Variants in DACH2 observed in about 807,000 individuals in gnomAD.
DACH2 encodes dachshund family transcription factor 2.
DACH2 carries 17 observed loss-of-function variants against 35.8 expected under a neutral mutation model. The observed-to-expected ratio is 0.48, with a 90% CI of 0.33 to 0.71. The LOEUF (loss-of-function observed/expected upper bound fraction) is 0.71, where lower values mean the gene tolerates loss of function less well. Among genes scored for constraint, DACH2 ranks in the 30% least tolerant of loss-of-function variants. The probability of loss-of-function intolerance (pLI) is 0.02; values close to 1 mark genes in which losing one functional copy is unlikely to be tolerated. For synonymous variants in DACH2, 195 were observed against 177.3 expected, an observed-to-expected ratio of 1.10 and a Z score of -0.79; for missense variants, 469 against 472.7, an observed-to-expected ratio of 0.99 and a Z score of 0.07.
intron 1 of DACH2, among the ~76,000 whole-genome samples, chrX:86,315,590 T>A (rs2034884126): frequency 8.9e-6 from 1 of 111,766 alleles, no homozygotes; most frequent in African/African-American, 3.3e-5. Context: ...CTAGTTGCCA[T>A]TAAGAACATT....
intron 4 of DACH2, among the ~76,000 whole-genome samples, chrX:86,673,311 TG>T (rs2040788396): frequency 1.2e-5 from 1 of 81,208 alleles, no homozygotes; most frequent in African/African-American, 5.1e-5. Flanking sequence ...CATTCCAGTC[TG>T]GGGACAGAGC....
At chrX:86,467,411 T>A (rs745899809) in intron 2 of DACH2, among the ~76,000 whole-genome samples, 1 of 112,004 alleles carries the variant, frequency 8.9e-6, no homozygotes, top group South Asian at 3.7e-4. Flanking sequence ...TTATTGTTCA[T>A]ATCACTATCA....
chrX:86,628,400 A>G (rs1337237974), intron 3 of DACH2, among the ~76,000 whole-genome samples: 1 of 112,038 alleles, frequency 8.9e-6, no homozygotes. Flanking sequence ...GTAGCTATAG[A>G]TAAATGCAGT....
At chrX:86,335,251 T>C (rs1245000130) in intron 1 of DACH2, among the ~76,000 whole-genome samples, 7 of 111,804 alleles carry the variant, frequency 6.3e-5, no homozygotes, top group Non-Finnish European at 1.1e-4. Flanking sequence ...TTTGGTTCCA[T>C]ATAAAATTTA....
chrX:86,175,973 G>A (rs1038027860), intron 1 of DACH2, among the ~76,000 whole-genome samples: 8 of 111,399 alleles, frequency 7.2e-5, no homozygotes, highest in Non-Finnish European at 1.5e-4. Context: ...GCCCATTAAG[G>A]TCGTGGTCAT....
chrX:86,723,251 G>C (rs930484544), intron 6 of DACH2, among the ~76,000 whole-genome samples: 5 of 110,070 alleles, frequency 4.5e-5, no homozygotes, highest in Non-Finnish European at 9.5e-5. Context: ...TGTTTTCAAA[G>C]AGCTAATTTC....
rs1156763311 is a variant in DACH2 at position 86,243,560 on chromosome X, G to C, written c.488+94452G>C. On this transcript the variant is annotated intron_variant, in intron 1 of 11. Transcript: ENST00000373125. The stretch of plus-strand genomic sequence containing the variant: ...AGAGATTTTTTTTTCTACCTTAATA[G>C]AGTATCTTGATTTGGTAAATTGCCC... Among the ~76,000 whole-genome samples the C allele has an allele frequency of 4.5e-5, 5 of 110,875 alleles. No homozygotes were observed. In the East Asian group the frequency reaches 1.4e-3, roughly 31 times the overall value.
chrX:86,705,184 A>C (rs1369864082), intron 5 of DACH2, among the ~76,000 whole-genome samples: 1 of 108,078 alleles, frequency 9.3e-6, no homozygotes, highest in Non-Finnish European at 1.9e-5. Flanking sequence ...AAGTGAAGTA[A>C]CTCAGGAATG....
intron 2 of DACH2, among the ~76,000 whole-genome samples, chrX:86,409,770 C>G (rs1347123827): frequency 8.9e-6 from 1 of 112,046 alleles, no homozygotes; most frequent in African/African-American, 3.2e-5. Context: ...TACAAAGGAT[C>G]ATATAGCAAA....
intron 1 of DACH2, among the ~76,000 whole-genome samples, chrX:86,271,438 G>C (rs1190992953): frequency 1.8e-5 from 2 of 111,914 alleles, no homozygotes; most frequent in East Asian, 5.6e-4. Context: ...TTTGCCTTTA[G>C]TTTCTGTCAC....
intron 3 of DACH2, among the ~76,000 whole-genome samples, chrX:86,642,588 A>T (rs1007254904): frequency 4.5e-5 from 5 of 112,021 alleles, no homozygotes; most frequent in Non-Finnish European, 9.4e-5. Flanking sequence ...ACATAAACTC[A>T]GCATTGGACC....
chrX:86,640,987 A>G (rs762047766), intron 3 of DACH2, among the ~76,000 whole-genome samples: 2 of 112,490 alleles, frequency 1.8e-5, no homozygotes, highest in African/African-American at 6.5e-5. Context: ...AGGAACAATC[A>G]CACACAGAGA....
At chrX:86,155,979 CT>C (rs1208739303) in intron 1 of DACH2, among the ~76,000 whole-genome samples, 1 of 110,755 alleles carries the variant, frequency 9.0e-6, no homozygotes, top group African/African-American at 3.3e-5. Context: ...AAATAGTTAA[CT>C]TTTTTTCAAT....
At chrX:86,420,140 G>A (rs1569391753) in intron 2 of DACH2, among the ~76,000 whole-genome samples, 1 of 111,972 alleles carries the variant, frequency 8.9e-6, no homozygotes, top group Non-Finnish European at 1.9e-5. Context: ...AACAAAAACA[G>A]TTAAGGAATA....
At chrX:86,611,598 G>T (rs1264690022) in intron 3 of DACH2, among the ~76,000 whole-genome samples, 1 of 111,586 alleles carries the variant, frequency 9.0e-6, no homozygotes, top group African/African-American at 3.3e-5. Context: ...CTGACTGATG[G>T]GAAGGGAGAT....
intron 2 of DACH2, among the ~76,000 whole-genome samples, chrX:86,405,058 C>T (rs767615220): frequency 2.6e-4 from 29 of 111,517 alleles, no homozygotes; most frequent in African/African-American, 8.8e-4. Flanking sequence ...CAAGGCTGCA[C>T]ATGGCAGGGG....
chrX:86,654,655 A>G (rs2040520475), intron 4 of DACH2, among the ~76,000 whole-genome samples: 1 of 111,294 alleles, frequency 9.0e-6, no homozygotes, highest in Non-Finnish European at 1.9e-5. Context: ...TAGCAACAGC[A>G]AGAATAGTTA....
At chrX:86,390,813 C>A (rs1473655409) in intron 2 of DACH2, among the ~76,000 whole-genome samples, 1 of 109,567 alleles carries the variant, frequency 9.1e-6, no homozygotes, top group Non-Finnish European at 1.9e-5. Flanking sequence ...TGGTCTTGAA[C>A]TTCTGACCTC....
chrX:86,395,148 C>T (rs1028898984), intron 2 of DACH2, among the ~76,000 whole-genome samples: 8 of 110,901 alleles, frequency 7.2e-5, no homozygotes, highest in African/African-American at 2.6e-4. Flanking sequence ...ACATGAACAT[C>T]CTCTCTGATT....
Sources: allele counts gnomAD v4.1 joint callset (sites outside exome capture counted in the v4.1 genomes callset), GRCh38; gene constraint gnomAD v4.1.1; transcripts MANE v1.5; gene names NCBI Gene and HGNC (gene_info 2026-07-23, HGNC 2026-07-21).